Variants in COL24A1 observed in about 807,000 individuals in gnomAD.
COL24A1 encodes the protein collagen type XXIV alpha 1 chain.
A neutral mutation model predicts 253.9 loss-of-function variants in COL24A1; 224 were observed. The ratio of observed to expected loss-of-function variants is 0.88; its 90% CI spans 0.79 to 0.99. The LOEUF (loss-of-function observed/expected upper bound fraction) is 0.99, where lower values mean the gene tolerates loss of function less well. Ranked by LOEUF, COL24A1 falls within the 50% of genes least tolerant of loss-of-function variation. The pLI is 0.00. For missense variants in COL24A1, 2,131 were observed against 2,068.5 expected (o/e 1.03, Z -0.59); for synonymous variants, 685 against 673.7 (o/e 1.02, Z -0.26).
intron 39 of COL24A1, among the ~76,000 whole-genome samples, chr1:85,843,602 T>A (rs541396852): frequency 1.6e-4 from 25 of 152,284 alleles, no homozygotes; most frequent in African/African-American, 5.8e-4. Context: ...GCTGAAAATA[T>A]GCAAAGAAAA....
chr1:86,022,943 T>G lies in COL24A1; in HGVS notation c.2103+11A>C. 6.2e-7 allele frequency: 1 copy of G among 1,613,242 alleles called. No homozygotes were observed. The highest frequency in any genetic ancestry group is 8.5e-7 in the Non-Finnish European group (1 of 1,179,500). On this transcript the variant is annotated intron_variant, in intron 15 of 59. Coordinates refer to ENST00000370571, the MANE Select transcript of COL24A1 (RefSeq NM_152890.7). ...TAAAGGGAAATATCCATTATACAAA[T>G]AGAACCATACCATTGGGCCAGGAAT... is the stretch of plus-strand genomic sequence containing the variant.
At chr1:86,065,498 C>T (rs1030293930) in intron 7 of COL24A1, among the ~76,000 whole-genome samples, 1 of 152,134 alleles carries the variant, frequency 6.6e-6, no homozygotes, top group Admixed American at 6.6e-5. Context: ...GGTGGCAGCA[C>T]CATGCAGTCA....
intron 55 of COL24A1, among the ~76,000 whole-genome samples, chr1:85,754,281 G>A (rs1488540792): frequency 2.7e-5 from 1 of 36,896 alleles, no homozygotes; most frequent in African/African-American, 8.5e-5. Flanking sequence ...GTAAACTATT[G>A]CAAGAACAAA....
chr1:86,010,670 A>G (rs1244702819), intron 19 of COL24A1, among the ~76,000 whole-genome samples: 1 of 152,120 alleles, frequency 6.6e-6, no homozygotes, highest in Non-Finnish European at 1.5e-5. Context: ...AGTGTTTTTC[A>G]TTGCAAAATG....
At chr1:85,876,801 T>C (rs372623455) in intron 33 of COL24A1, among the ~76,000 whole-genome samples, 5 of 152,330 alleles carry the variant, frequency 3.3e-5, no homozygotes, top group African/African-American at 1.2e-4. Flanking sequence ...AATTGGGTAA[T>C]GTCTCAGTAT....
intron 18 of COL24A1, among the ~76,000 whole-genome samples, chr1:86,021,172 A>C (rs1697506669): frequency 6.6e-6 from 1 of 152,206 alleles, no homozygotes; most frequent in Non-Finnish European, 1.5e-5. Flanking sequence ...TGAACTGCTC[A>C]GGAACATAAC....
chr1:86,108,732 A>G (rs1705253021), intron 5 of COL24A1, among the ~76,000 whole-genome samples: 1 of 150,396 alleles, frequency 6.6e-6, no homozygotes, highest in Non-Finnish European at 1.5e-5. Flanking sequence ...GCTTGAACCC[A>G]GGAGGTGGAG....
chr1:85,971,279 A>C, intron 21 of COL24A1, 61 bp downstream of exon 21: 1 of 1,446,194 alleles, frequency 6.9e-7, no homozygotes, highest in Non-Finnish European at 9.6e-7. Context: ...ACAATAAATA[A>C]AAAGGGAAAA....
chr1:85,846,385 C>T (rs1212943658), intron 39 of COL24A1, among the ~76,000 whole-genome samples: 1 of 151,634 alleles, frequency 6.6e-6, no homozygotes, highest in Non-Finnish European at 1.5e-5. Context: ...AAAAGACTGA[C>T]AAGTTTGACT....
At chr1:85,789,607 G>T (rs952654656) in intron 47 of COL24A1, among the ~76,000 whole-genome samples, 1 of 152,134 alleles carries the variant, frequency 6.6e-6, no homozygotes, top group Admixed American at 6.5e-5. Context: ...AGTGAGGAGA[G>T]GGGGTATCCT....
At chr1:85,881,676 T>C (rs1681862699) in intron 32 of COL24A1, among the ~76,000 whole-genome samples, 1 of 152,136 alleles carries the variant, frequency 6.6e-6, no homozygotes, top group South Asian at 2.1e-4. Context: ...TATCCATTTA[T>C]TGTCATTTTA....
intron 24 of COL24A1, among the ~76,000 whole-genome samples, chr1:85,950,757 G>T (rs1360626445): frequency 6.6e-6 from 1 of 152,198 alleles, no homozygotes; most frequent in African/African-American, 2.4e-5. Flanking sequence ...ATGGCAAGAA[G>T]TGGTAATAGA....
intron 16 of COL24A1, 53 bp downstream of exon 16, chr1:86,022,780 G>A: frequency 2.3e-6 from 3 of 1,332,014 alleles, no homozygotes; most frequent in South Asian, 1.8e-5. Context: ...TGACTGAAAA[G>A]TAAAAGACAA....
At chr1:86,021,165 A>G (rs1325406313) in intron 18 of COL24A1, among the ~76,000 whole-genome samples, 1 of 152,140 alleles carries the variant, frequency 6.6e-6, no homozygotes, top group Non-Finnish European at 1.5e-5. Context: ...AACACAATGA[A>G]CTGCTCAGGA....
At chr1:85,998,038 A>G (rs1209576604) in intron 19 of COL24A1, among the ~76,000 whole-genome samples, 2 of 151,834 alleles carry the variant, frequency 1.3e-5, no homozygotes, top group African/African-American at 4.8e-5. Flanking sequence ...AGACACATAC[A>G]CTCCTGGACT....
chr1:86,004,461 T>TAACATTGGAATCCAATC (rs1695739514), intron 19 of COL24A1, among the ~76,000 whole-genome samples: 1 of 152,114 alleles, frequency 6.6e-6, no homozygotes, highest in African/African-American at 2.4e-5. Flanking sequence ...GCATCCAGCC[T>TAACATTGGAATCCAATC]CACATAACAT....
chr1:86,056,565 G>T (rs1700675470), intron 10 of COL24A1, among the ~76,000 whole-genome samples: 2 of 151,938 alleles, frequency 1.3e-5, no homozygotes, highest in African/African-American at 4.8e-5. Flanking sequence ...CTTTTTAAAA[G>T]GCATGTTAGG....
chr1:86,011,532 T>C (rs1293308357), intron 19 of COL24A1, among the ~76,000 whole-genome samples: 1 of 152,212 alleles, frequency 6.6e-6, no homozygotes. Context: ...ATAAAACTTG[T>C]GCTTTTGAAT....
At chr1:86,072,085 A>G (rs1183347817) in intron 7 of COL24A1, among the ~76,000 whole-genome samples, 1 of 152,172 alleles carries the variant, frequency 6.6e-6, no homozygotes, top group Non-Finnish European at 1.5e-5. Flanking sequence ...CTGGGCGGCC[A>G]TTTGGGGAGA....
Sources: allele counts gnomAD v4.1 joint callset (sites outside exome capture counted in the v4.1 genomes callset), GRCh38; gene constraint gnomAD v4.1.1; transcripts MANE v1.5; gene names NCBI Gene and HGNC (gene_info 2026-07-23, HGNC 2026-07-21).